The following AGPAT4 variants were observed in gnomAD, a reference collection of about 807,000 sequenced individuals.
AGPAT4 encodes 1-acylglycerol-3-phosphate O-acyltransferase 4.
Under a neutral mutation model 48.0 loss-of-function variants are expected in AGPAT4, and 15 were observed. The ratio of observed to expected loss-of-function variants is 0.31; its 90% CI spans 0.21 to 0.48. The LOEUF (loss-of-function observed/expected upper bound fraction) is 0.48. AGPAT4 is among the 20% of genes least tolerant of loss of function. The probability of loss-of-function intolerance (pLI) is 0.99; values close to 1 mark genes in which losing one functional copy is unlikely to be tolerated. For synonymous variants in AGPAT4, 178 were observed against 198.7 expected (o/e 0.90, Z 0.88); for missense variants, 314 against 482.5 (o/e 0.65, Z 3.27).
At chr6:161,241,733 T>C (rs1782497402) in intron 1 of AGPAT4, among the ~76,000 whole-genome samples, 1 of 152,184 alleles carries the variant, frequency 6.6e-6, no homozygotes, top group African/African-American at 2.4e-5. Context: ...GAAAATGTTT[T>C]TGTTTTTGTT....
At chr6:161,224,566 T>C (rs1417244619) in intron 2 of AGPAT4, among the ~76,000 whole-genome samples, 1 of 140,116 alleles carries the variant, frequency 7.1e-6, no homozygotes, top group East Asian at 2.1e-4. Flanking sequence ...CATCTGAGCC[T>C]GGGAGGCAGA....
At position 161,155,727 on chromosome 6, in the gene AGPAT4, C is replaced by T. The variant is rs979993235; in HGVS notation, c.349-1417G>A. ...CGGAGGCCCTATCTCCAGGGGACTC[C>T]GGGAACATCCCCGTGGGTGGGTGAA... On this transcript the variant is annotated intron_variant, in intron 3 of 8. Coordinates refer to ENST00000320285, the MANE Select transcript of AGPAT4 (RefSeq NM_020133.3). The surrounding 1 kb of genome is among the most constrained non-coding windows in gnomAD (Gnocchi z 5.8). Among the ~76,000 whole-genome samples the T allele has an allele frequency of 2.6e-5, 4 of 152,336 alleles. No individual in the cohort carries two copies. Among genetic ancestry groups the T allele is most frequent in the African/African-American group, 4.8e-5 (2 of 41,582 alleles).
In AGPAT4 at chr6:161,180,050, G is replaced by A. The variant is rs1780540362; in HGVS notation, c.179-13633C>T. Among the ~76,000 whole-genome samples the A allele has an allele frequency of 6.6e-6, 1 of 152,168 alleles. No homozygotes were observed. Among genetic ancestry groups the A allele is most frequent in the African/African-American group, 2.4e-5 (1 of 41,438 alleles). On this transcript the variant is annotated intron_variant, in intron 2 of 8. Coordinates refer to ENST00000320285, the MANE Select transcript of AGPAT4 (RefSeq NM_020133.3). The surrounding 1 kb of genome is among the most constrained non-coding windows in gnomAD (Gnocchi z 6.4). ...CAGCCCTGAATCTGCTATCCCCAAA[G>A]ACCTCCTTATTCTCAGCTCCTACTC...
At chr6:161,153,973 A>G in intron 4 of AGPAT4, 176 bp downstream of exon 4, 2 of 848,114 alleles carry the variant, frequency 2.4e-6, no homozygotes, top group South Asian at 3.2e-5. Flanking sequence ...CCCCACGGTC[A>G]CACACGGCCC....
chr6:161,157,224 C>T (rs1779790427), intron 3 of AGPAT4, among the ~76,000 whole-genome samples: 1 of 152,248 alleles, frequency 6.6e-6, no homozygotes, highest in African/African-American at 2.4e-5. Flanking sequence ...CACAGTATCC[C>T]TGTAACAATG....
chr6:161,183,207 C>T (rs530888616), intron 2 of AGPAT4, among the ~76,000 whole-genome samples: 34 of 152,310 alleles, frequency 2.2e-4, no homozygotes, highest in Admixed American at 3.9e-4. Flanking sequence ...TTATCCACCA[C>T]GTGCTGATGT....
intron 2 of AGPAT4, among the ~76,000 whole-genome samples, chr6:161,174,126 C>T (rs55778382): frequency 2.2e-4 from 34 of 152,276 alleles, no homozygotes; most frequent in African/African-American, 7.2e-4. Flanking sequence ...CTTGACTATG[C>T]GGGCTCTTTT....
intron 1 of AGPAT4, among the ~76,000 whole-genome samples, chr6:161,265,146 C>G (rs113162542): frequency 6.7e-6 from 1 of 149,256 alleles, no homozygotes; most frequent in Non-Finnish European, 1.5e-5. Context: ...TGGATTAGTA[C>G]CCACCGCTGG....
chr6:161,177,464 A>G lies in AGPAT4; in HGVS notation c.179-11047T>C, dbSNP rs1483284900. Among the ~76,000 whole-genome samples the G allele has an allele frequency of 6.6e-6, 1 of 152,192 alleles. No homozygotes were observed. Among genetic ancestry groups the G allele is most frequent in the Non-Finnish European group, 1.5e-5 (1 of 68,022 alleles). On this transcript the variant is annotated intron_variant, in intron 2 of 8. Transcript: ENST00000320285. The surrounding 1 kb of genome is among the most constrained non-coding windows in gnomAD (Gnocchi z 5.0). ...ACTGAAACTTGTGCATGTGTCACGTAGTTCTCAAGCCATGGTTTTCAGCTC... is the reference window on the plus strand; with the variant it reads ...ACTGAAACTTGTGCATGTGTCACGTGGTTCTCAAGCCATGGTTTTCAGCTC...
rs996060091 is a variant in AGPAT4 at position 161,216,350 on chromosome 6, A to C, written c.178+15686T>G. On this transcript the variant is annotated intron_variant, in intron 2 of 8. Coordinates refer to ENST00000320285, the MANE Select transcript of AGPAT4 (RefSeq NM_020133.3). This position sits in a 1 kb window ranked among gnomAD's most constrained non-coding sequence, Gnocchi z 4.8. ...CTTCTGTCCTCAAGCAAACGTCTGC[A>C]ACAAGTGCGTCTCTTGTCCAGGATG... Among the ~76,000 whole-genome samples, 3 of 152,214 alleles carry C rather than the reference A, an allele frequency of 2.0e-5. No individual in the cohort carries two copies. Among genetic ancestry groups the C allele is most frequent in the Admixed American group, 6.5e-5 (1 of 15,284 alleles).
Position 161,136,223 on chromosome 6 carries a change from A to C in AGPAT4, c.*317T>G. On this transcript the variant is annotated 3_prime_UTR_variant, in exon 9 of 9. Coordinates refer to ENST00000320285, the MANE Select transcript of AGPAT4 (RefSeq NM_020133.3). ...GGGGAACTTGTCCCCTTCGGTCCCC[A>C]GCCCTGCCCTCCCCTGCAGCCTAAA... The C allele has an allele frequency of 2.8e-5, 8 of 280,798 alleles. No individual in the cohort carries two copies. The highest frequency in any genetic ancestry group is 8.6e-5 in the East Asian group (1 of 11,660). The allele number at this position is 280,798 out of a possible 1,614,324, so 17.4% of individuals were successfully genotyped here.
At position 161,242,924 on chromosome 6, in the gene AGPAT4, C is replaced by T. The variant is rs1361017846; in HGVS notation, c.-89-10622G>A. ...CTCTACTAAGAACACAAAAATTAGC[C>T]GGGCGTGGTGGCACGTGCCTCCCAG... On this transcript the variant is annotated intron_variant, in intron 1 of 8. Transcript: ENST00000320285. This position sits in a 1 kb window ranked among gnomAD's most constrained non-coding sequence, Gnocchi z 5.0. Among the ~76,000 whole-genome samples, 9 of 152,024 alleles carry T rather than the reference C, an allele frequency of 5.9e-5. No individual in the cohort carries two copies. Among genetic ancestry groups the T allele is most frequent in the South Asian group, 4.2e-4 (2 of 4,804 alleles).
Position 161,179,424 on chromosome 6 carries a change from G to A in AGPAT4, c.179-13007C>T, listed in dbSNP as rs561902451. ...CAATCACACCTTGACCTCAGGCAGCGCTGTGGTCAGTTCCTTACCTACGAC... is the reference window on the plus strand; with the variant it reads ...CAATCACACCTTGACCTCAGGCAGCACTGTGGTCAGTTCCTTACCTACGAC... On this transcript the variant is annotated intron_variant, in intron 2 of 8. Coordinates refer to ENST00000320285, the MANE Select transcript of AGPAT4 (RefSeq NM_020133.3). 1.2e-4 allele frequency among the ~76,000 whole-genome samples: 19 copies of A among 152,316 alleles called. 1 individual carries two copies. The highest frequency in any genetic ancestry group is 4.1e-4 in the African/African-American group (17 of 41,576).
rs1465720065 is a variant in AGPAT4 at position 161,201,746 on chromosome 6, T to C, written c.178+30290A>G. Reference sequence around the variant, plus strand: ...GGTAGGTAAATTACTGTGGCCCAACTAGGGCCAGGTCCTGCTCTCAGCTCT... The same window carrying C: ...GGTAGGTAAATTACTGTGGCCCAACCAGGGCCAGGTCCTGCTCTCAGCTCT... On this transcript the variant is annotated intron_variant, in intron 2 of 8. Transcript: ENST00000320285. This position sits in a 1 kb window ranked among gnomAD's most constrained non-coding sequence, Gnocchi z 6.0. Among the ~76,000 whole-genome samples the C allele has an allele frequency of 6.6e-6, 1 of 152,230 alleles. No homozygotes were observed. Among genetic ancestry groups the C allele is most frequent in the Non-Finnish European group, 1.5e-5 (1 of 68,046 alleles).
rs1486905475 is a variant in AGPAT4, at chr6:161,148,488, C to T, written c.767+699G>A. ...TAAGGTCTTGAATCAGAAGGTTATA[C>T]GCCCCTGGATTAGTTCTCCATTAGT... On this transcript the variant is annotated intron_variant, in intron 6 of 8. Coordinates refer to ENST00000320285, the MANE Select transcript of AGPAT4 (RefSeq NM_020133.3). The surrounding 1 kb of genome is among the most constrained non-coding windows in gnomAD (Gnocchi z 5.5). 1.3e-5 allele frequency among the ~76,000 whole-genome samples: 2 copies of T among 152,132 alleles called. No homozygotes were observed. Among genetic ancestry groups the T allele is most frequent in the African/African-American group, 2.4e-5 (1 of 41,430 alleles).
intron 2 of AGPAT4, among the ~76,000 whole-genome samples, chr6:161,203,381 CTTTTTTTTTT>C (rs10585542): frequency 2.7e-5 from 3 of 110,796 alleles, no homozygotes; most frequent in African/African-American, 6.3e-5. Context: ...CTTTTTCTTT[CTTTTTTTTTT>C]TTTTTTTTTT....
At position 161,204,788 on chromosome 6, in the gene AGPAT4, A is replaced by G. The variant is rs1781335595; in HGVS notation, c.178+27248T>C. ...TCAAAGAGGCAGGAGCTTTTTCCCC[A>G]GAGTGAAACACATATTTTCAGTGAA... is the stretch of plus-strand genomic sequence containing the variant. On this transcript the variant is annotated intron_variant, in intron 2 of 8. Transcript: ENST00000320285. This position sits in a 1 kb window ranked among gnomAD's most constrained non-coding sequence, Gnocchi z 4.4. Among the ~76,000 whole-genome samples the G allele has an allele frequency of 6.6e-6, 1 of 152,190 alleles. No individual in the cohort carries two copies. Among genetic ancestry groups the G allele is most frequent in the African/African-American group, 2.4e-5 (1 of 41,454 alleles).
In AGPAT4 at chr6:161,146,810, AC is replaced by A. The variant is rs1186096173; in HGVS notation, c.768-212del. Reference sequence around the variant, plus strand: ...TGCAATTATGACCCACGAAGGAACAACCCAGGGGCCAATTCAATGGCACAGA... The same window carrying A: ...TGCAATTATGACCCACGAAGGAACAACCAGGGGCCAATTCAATGGCACAGA... On this transcript the variant is annotated intron_variant, in intron 6 of 8. Coordinates refer to ENST00000320285, the MANE Select transcript of AGPAT4 (RefSeq NM_020133.3). The surrounding 1 kb of genome is among the most constrained non-coding windows in gnomAD (Gnocchi z 7.1). Among the ~76,000 whole-genome samples, 1 of 152,136 alleles carries A rather than the reference AC, an allele frequency of 6.6e-6. No homozygotes were observed.
intron 3 of AGPAT4, among the ~76,000 whole-genome samples, chr6:161,163,838 G>A (rs1780009113): frequency 6.6e-6 from 1 of 152,160 alleles, no homozygotes; most frequent in African/African-American, 2.4e-5. Flanking sequence ...GAAGAGAAGA[G>A]GCATCGCCCT....
Sources: gnomAD v4.1 joint callset for allele counts (sites outside exome capture counted in the v4.1 genomes callset) on GRCh38, gnomAD v4.1.1 for gene constraint, Gnocchi (gnomAD v3.1) non-coding constraint, MANE v1.5 for transcripts, NCBI Gene and HGNC (gene_info 2026-07-23, HGNC 2026-07-21) for gene names.